The following GALNT13 variants were observed in gnomAD, a reference collection of about 807,000 sequenced individuals.
GALNT13 encodes UDP-GalNAc:polypeptide N-acetylgalactosaminyltransferase 13.
GALNT13 carries 28 observed loss-of-function variants against 64.2 expected under a neutral mutation model. The ratio of observed to expected loss-of-function variants is 0.44; its 90% confidence interval spans 0.32 to 0.60. The LOEUF is 0.60. GALNT13 is among the 20% of genes least tolerant of loss of function. The pLI is 0.05. For synonymous variants in GALNT13, 214 were observed against 224.6 expected, an observed-to-expected ratio of 0.95 and a Z score of 0.42; for missense variants, 577 against 669.8, an observed-to-expected ratio of 0.86 and a Z score of 1.53.
At chr2:153,130,918 G>A in the GALNT13 span, among the ~76,000 whole-genome samples, 1 of 152,172 alleles carries the variant, frequency 6.6e-6, no homozygotes. Flanking sequence ...CTGTCGAGAG[G>A]AATTGGAGCT....
chr2:153,418,610 T>TTGCTAATGTTGCTAACATGTTGCTCCATG, the GALNT13 span, among the ~76,000 whole-genome samples: 1 of 152,268 alleles, frequency 6.6e-6, no homozygotes, highest in East Asian at 1.9e-4. Flanking sequence ...GAACATTGTT[T>TTGCTAATGTTGCTAACATGTTGCTCCATG]TTAGCAACAT....
chr2:153,770,870 GGT>G, the GALNT13 span, among the ~76,000 whole-genome samples: 1 of 152,196 alleles, frequency 6.6e-6, no homozygotes, highest in Non-Finnish European at 1.5e-5. Flanking sequence ...CCATCTTTGA[GGT>G]GTGGTCTTGT....
the GALNT13 span, among the ~76,000 whole-genome samples, chr2:153,152,258 CA>C: frequency 5.7e-4 from 87 of 152,028 alleles, no homozygotes; most frequent in Non-Finnish European, 1.1e-3. Context: ...TGAAGGAAAA[CA>C]ACTTTGTCCC....
the GALNT13 span, among the ~76,000 whole-genome samples, chr2:153,719,438 A>C: frequency 6.6e-6 from 1 of 152,164 alleles, no homozygotes; most frequent in African/African-American, 2.4e-5. Context: ...CTTTGAGAAA[A>C]GCTAATATGG....
intron 9 of GALNT13, among the ~76,000 whole-genome samples, chr2:154,328,982 A>G (rs1695023834): frequency 6.6e-6 from 1 of 152,022 alleles, no homozygotes; most frequent in South Asian, 2.1e-4. Context: ...AATTTCGTTC[A>G]TGTTTTATTT....
the GALNT13 span, among the ~76,000 whole-genome samples, chr2:153,509,337 T>C: frequency 6.6e-6 from 1 of 152,238 alleles, no homozygotes; most frequent in Non-Finnish European, 1.5e-5. Context: ...CACCTGTTTC[T>C]GGTTCCCACC....
the GALNT13 span, among the ~76,000 whole-genome samples, chr2:153,623,277 G>A: frequency 6.6e-6 from 1 of 151,932 alleles, no homozygotes; most frequent in South Asian, 2.1e-4. Flanking sequence ...CTTCCTCAAC[G>A]TGCTTTCCCT....
At chr2:153,377,877 G>A in the GALNT13 span, among the ~76,000 whole-genome samples, 1 of 152,044 alleles carries the variant, frequency 6.6e-6, no homozygotes, top group African/African-American at 2.4e-5. Flanking sequence ...CAAGAAAGAT[G>A]CATGCAAATT....
chr2:154,414,243 C>G (rs1035086723), intron 11 of GALNT13, among the ~76,000 whole-genome samples: 2 of 151,876 alleles, frequency 1.3e-5, no homozygotes, highest in African/African-American at 4.8e-5. Context: ...AGACTAATAG[C>G]TAAAATAAAA....
the GALNT13 span, among the ~76,000 whole-genome samples, chr2:153,700,501 G>A: frequency 6.6e-6 from 1 of 152,074 alleles, no homozygotes; most frequent in Admixed American, 6.6e-5. Context: ...AGGCAATCAA[G>A]CAAGGGAAAG....
chr2:154,062,350 C>T (rs2105369742), intron 3 of GALNT13, among the ~76,000 whole-genome samples: 1 of 152,122 alleles, frequency 6.6e-6, no homozygotes, highest in South Asian at 2.1e-4. Context: ...ATGAGTTATT[C>T]TTTTTCTATT....
the GALNT13 span, among the ~76,000 whole-genome samples, chr2:153,510,225 A>G: frequency 6.6e-6 from 1 of 152,202 alleles, no homozygotes. Context: ...CCCAAATCCG[A>G]GAGATGTTCC....
the GALNT13 span, among the ~76,000 whole-genome samples, chr2:153,626,717 A>C: frequency 1.3e-5 from 2 of 152,122 alleles, no homozygotes; most frequent in South Asian, 4.1e-4. Context: ...AGCCAGTTTC[A>C]GCATGCACCC....
At chr2:153,710,567 CTG>C in the GALNT13 span, among the ~76,000 whole-genome samples, 1 of 151,998 alleles carries the variant, frequency 6.6e-6, no homozygotes, top group Non-Finnish European at 1.5e-5. Flanking sequence ...ACCATCCAAA[CTG>C]TGTATATTAA....
intron 8 of GALNT13, chr2:154,287,089 CAAGCAGCCACCTTTGGAT>C (rs1692312153): frequency 7.5e-6 from 7 of 927,304 alleles, no homozygotes; most frequent in Non-Finnish European, 1.2e-5. Flanking sequence ...CACCTTTGGG[CAAGCAGCCACCTTTGGAT>C]GGCATGTCCT....
At chr2:154,057,760 A>G (rs752749116) in intron 3 of GALNT13, among the ~76,000 whole-genome samples, 3 of 152,172 alleles carry the variant, frequency 2.0e-5, no homozygotes, top group Non-Finnish European at 4.4e-5. Flanking sequence ...GCAATTAGAA[A>G]TTGTTTTTTG....
chr2:153,606,860 G>A, the GALNT13 span, among the ~76,000 whole-genome samples: 99 of 145,816 alleles, frequency 6.8e-4, 1 homozygote, highest in East Asian at 0.016. Context: ...GTGTCATGTC[G>A]TCAGGTTTTT....
At chr2:154,279,729 G>C (rs1296259847) in intron 8 of GALNT13, among the ~76,000 whole-genome samples, 1 of 152,062 alleles carries the variant, frequency 6.6e-6, no homozygotes, top group East Asian at 1.9e-4. Flanking sequence ...GCCAAATGTT[G>C]CTATTTCATG....
the GALNT13 span, among the ~76,000 whole-genome samples, chr2:153,628,299 A>G: frequency 6.6e-6 from 1 of 151,952 alleles, no homozygotes; most frequent in Non-Finnish European, 1.5e-5. Flanking sequence ...AAACAGGGAC[A>G]ATTTGACTTC....
Sources: allele counts gnomAD v4.1 joint callset (sites outside exome capture counted in the v4.1 genomes callset), GRCh38; gene constraint gnomAD v4.1.1; transcripts MANE v1.5; gene names NCBI Gene and HGNC (gene_info 2026-07-23, HGNC 2026-07-21).